The following TANC1 variants were observed in gnomAD, a reference collection of about 807,000 sequenced individuals.
The protein encoded by TANC1 is protein TANC1.
In TANC1, 77 loss-of-function variants were observed where a neutral mutation model predicts 149.7. The ratio of observed to expected loss-of-function variants is 0.51; its 90% CI spans 0.43 to 0.62. TANC1 has a LOEUF of 0.62. TANC1 is among the 20% of genes least tolerant of loss of function. TANC1 has a pLI of 0.00. For synonymous variants in TANC1, 854 were observed against 925.0 expected, an observed-to-expected ratio of 0.92 and a Z score of 1.39; for missense variants, 1,985 against 2,321.8, an observed-to-expected ratio of 0.85 and a Z score of 2.98.
intron 5 of TANC1, 148 bp from the exon 6 acceptor site, chr2:159,148,994 A>G: frequency 2.4e-6 from 2 of 835,782 alleles, no homozygotes; most frequent in Non-Finnish European, 3.8e-6. Flanking sequence ...ATGTATTGCT[A>G]GAGGACAGGG....
At chr2:159,083,607 G>A (rs943435116) in intron 3 of TANC1, among the ~76,000 whole-genome samples, 1 of 152,162 alleles carries the variant, frequency 6.6e-6, no homozygotes, top group Admixed American at 6.5e-5. Flanking sequence ...ATACTTGCAA[G>A]TTAGATACAC....
chr2:159,206,472 G>A (rs535266510), intron 19 of TANC1, among the ~76,000 whole-genome samples: 10 of 152,338 alleles, frequency 6.6e-5, no homozygotes, highest in African/African-American at 9.6e-5. Flanking sequence ...AGGCTGAGTG[G>A]CCAGCAGTGA....
At chr2:159,058,702 T>G (rs2042025729) in intron 2 of TANC1, among the ~76,000 whole-genome samples, 1 of 152,234 alleles carries the variant, frequency 6.6e-6, no homozygotes, top group Non-Finnish European at 1.5e-5. Flanking sequence ...CTCTTGTACT[T>G]AGAAGGAAGC....
At chr2:159,019,662 T>G (rs929876454) in intron 2 of TANC1, among the ~76,000 whole-genome samples, 1 of 40,504 alleles carries the variant, frequency 2.5e-5, no homozygotes, top group South Asian at 8.4e-4. Flanking sequence ...TGTTTTTTTT[T>G]TTTTTTTTTT....
chr2:159,230,652 C>T lies in TANC1; in HGVS notation c.5226C>T (p.Arg1742=). The T allele has an allele frequency of 1.2e-6, 2 of 1,614,202 alleles. No individual in the cohort carries two copies. The highest frequency in any genetic ancestry group is 1.7e-6 in the Non-Finnish European group (2 of 1,180,038). The change falls in exon 27 of 27, where the codon CGC becomes CGT. Residue 1742 remains arginine, a synonymous_variant. Coordinates refer to ENST00000263635, the MANE Select transcript of TANC1 (RefSeq NM_033394.3). This position sits in a 1 kb window ranked among gnomAD's most constrained non-coding sequence, Gnocchi z 4.4. ...AACAGCAGAGCAATCCTCCAAGCCG[C>T]AGCTGGCACTGTCCGGCACCAGAGG... ...RFQQQSNPPS[R]SWHCPAPEGL...
intron 4 of TANC1, among the ~76,000 whole-genome samples, chr2:159,118,850 A>G (rs1326247576): frequency 6.6e-6 from 1 of 152,188 alleles, no homozygotes; most frequent in African/African-American, 2.4e-5. Context: ...TCGAGTAGCT[A>G]AAGTACTTTA....
intron 19 of TANC1, among the ~76,000 whole-genome samples, chr2:159,208,657 A>G (rs1451173859): frequency 6.6e-6 from 1 of 152,206 alleles, no homozygotes; most frequent in Non-Finnish European, 1.5e-5. Flanking sequence ...CAGAATCCCC[A>G]TACTTGGCTC....
intron 22 of TANC1, among the ~76,000 whole-genome samples, chr2:159,222,674 G>A (rs13414686): frequency 0.087 from 13,195 of 152,188 alleles, 1,212 homozygotes; most frequent in East Asian, 0.23. Context: ...GTTTTTTGCT[G>A]TTGTGAATAA....
intron 16 of TANC1, among the ~76,000 whole-genome samples, chr2:159,190,070 T>C (rs953921946): frequency 6.6e-6 from 1 of 152,224 alleles, no homozygotes; most frequent in Non-Finnish European, 1.5e-5. Context: ...TTCATCATGG[T>C]ACTCCAAGTA....
chr2:159,179,044 C>T lies in TANC1; in HGVS notation c.2391C>T (p.Ala797=), dbSNP rs570484431. 1.7e-5 allele frequency: 27 copies of T among 1,613,962 alleles called. No homozygotes were observed. The African/African-American group carries it at 3.5e-4, about 21-fold the overall frequency. Residue 797 remains alanine, a synonymous_variant, in exon 14 of 27, where the codon GCC becomes GCT. Transcript: ENST00000263635. The part of the protein sequence containing the change: ...GWEDFQQRMD[A]LSCFLIKRRD... ...AAGACTTTCAGCAGAGGATGGACGC[C>T]CTCTCCTGCTTCCTCATTAAGAGGC...
At chr2:158,981,317 T>TACCCA (rs2034284654) in intron 1 of TANC1, among the ~76,000 whole-genome samples, 1 of 150,740 alleles carries the variant, frequency 6.6e-6, no homozygotes, top group East Asian at 2.0e-4. Flanking sequence ...CATCTGGGTA[T>TACCCA]GGTGGTTCAA....
At chr2:159,166,615 A>G (rs1410560192) in intron 8 of TANC1, among the ~76,000 whole-genome samples, 1 of 152,168 alleles carries the variant, frequency 6.6e-6, no homozygotes, top group Non-Finnish European at 1.5e-5. Flanking sequence ...GAAAGCGTTT[A>G]TGGGTAAATA....
intron 5 of TANC1, among the ~76,000 whole-genome samples, chr2:159,146,005 G>A (rs1280452500): frequency 6.6e-6 from 1 of 152,196 alleles, no homozygotes; most frequent in African/African-American, 2.4e-5. Context: ...ATTTAGAGTG[G>A]TCTGTTTGAA....
At chr2:159,164,933 T>C (rs2054427858) in intron 8 of TANC1, among the ~76,000 whole-genome samples, 1 of 152,182 alleles carries the variant, frequency 6.6e-6, no homozygotes, top group Non-Finnish European at 1.5e-5. Context: ...TGATAGTCCT[T>C]CCACAAGCTT....
intron 7 of TANC1, among the ~76,000 whole-genome samples, chr2:159,159,965 G>A (rs958742656): frequency 6.6e-6 from 1 of 152,076 alleles, no homozygotes; most frequent in Non-Finnish European, 1.5e-5. Flanking sequence ...AGACCAGCCT[G>A]GGCAGCATAG....
At position 159,176,786 on chromosome 2, in the gene TANC1, G is replaced by A. The variant is rs145315959; in HGVS notation, c.1902+268G>A. ...ATGGTGGCATCTAGCCCTGGTTACC[G>A]TCATGGAGTGTGTGGGGCCAAGAGG... is the stretch of plus-strand genomic sequence containing the variant. On this transcript the variant is annotated intron_variant, in intron 13 of 26. Transcript: ENST00000263635. 9.8e-3 allele frequency among the ~76,000 whole-genome samples: 1,492 copies of A among 152,168 alleles called. 18 individuals are homozygous for A. The highest frequency in any genetic ancestry group is 0.034 in the African/African-American group (1,395 of 41,500).
chr2:159,048,664 G>A (rs997209897), intron 2 of TANC1, among the ~76,000 whole-genome samples: 1 of 152,172 alleles, frequency 6.6e-6, no homozygotes, highest in Non-Finnish European at 1.5e-5. Flanking sequence ...GGCAAGAAAC[G>A]ACCTTGTTTA....
At chr2:159,074,061 T>TTA (rs1292492592) in intron 3 of TANC1, among the ~76,000 whole-genome samples, 1 of 152,194 alleles carries the variant, frequency 6.6e-6, no homozygotes, top group Non-Finnish European at 1.5e-5. Flanking sequence ...TTGAGAAACC[T>TTA]TATTCACATC....
chr2:159,137,545 CT>C (rs2050892045), intron 5 of TANC1, among the ~76,000 whole-genome samples: 1 of 152,136 alleles, frequency 6.6e-6, no homozygotes. Flanking sequence ...CCGAATGTTG[CT>C]GGTGAAGGTG....
Sources: allele counts gnomAD v4.1 joint callset (sites outside exome capture counted in the v4.1 genomes callset), GRCh38; gene constraint gnomAD v4.1.1; non-coding constraint Gnocchi (gnomAD v3.1); transcripts MANE v1.5; gene names NCBI Gene and HGNC (gene_info 2026-07-23, HGNC 2026-07-21).